The following SLIT2 variants were observed in gnomAD, a reference collection of about 807,000 sequenced individuals.
SLIT2 encodes slit homolog 2 protein.
In SLIT2, 41 loss-of-function variants were observed where a neutral mutation model predicts 185.7. That is an observed-to-expected ratio of 0.22 (90% CI 0.17 to 0.29). The LOEUF is 0.29. SLIT2 is among the 10% of genes least tolerant of loss of function. The pLI is 1.00. For synonymous variants in SLIT2, 693 were observed against 680.2 expected, an observed-to-expected ratio of 1.02 and a Z score of -0.29; for missense variants, 1,571 against 1,909.0, an observed-to-expected ratio of 0.82 and a Z score of 3.30.
chr4:20,345,962 A>G (rs1332290541), intron 4 of SLIT2, among the ~76,000 whole-genome samples: 1 of 151,814 alleles, frequency 6.6e-6, no homozygotes, highest in East Asian at 2.0e-4. Flanking sequence ...CTTGTAATCC[A>G]AAGTTTCTCA....
At chr4:20,390,329 T>C (rs1452075414) in intron 4 of SLIT2, among the ~76,000 whole-genome samples, 1 of 152,156 alleles carries the variant, frequency 6.6e-6, no homozygotes, top group Non-Finnish European at 1.5e-5. Flanking sequence ...GCTTCACCAA[T>C]AAGCATCTTA....
chr4:20,531,933 C>A, intron 16 of SLIT2, 51 bp from the exon 17 acceptor site: 2 of 969,448 alleles, frequency 2.1e-6, no homozygotes, highest in Non-Finnish European at 3.1e-6. Context: ...AAATTTAATC[C>A]TTTCCTAACT....
chr4:20,529,176 C>A (rs1721565753), intron 16 of SLIT2, 77 bp downstream of exon 16: 10 of 1,112,274 alleles, frequency 9.0e-6, no homozygotes, highest in Non-Finnish European at 1.3e-5. Flanking sequence ...GTTTGTCTTG[C>A]CATTTTTATT....
Position 20,598,379 on chromosome 4 carries a change from G to A in SLIT2, c.3676G>A (p.Ala1226Thr). Residue 1226 changes from alanine (A) to threonine (T), a missense_variant, in exon 33 of 37, where the codon GCT (alanine) becomes ACT (threonine). Ala to Thr is a moderately conservative substitution (Grantham distance 58, BLOSUM62 0). Coordinates refer to ENST00000504154, the MANE Select transcript of SLIT2 (RefSeq NM_004787.4). ...RASYDTGSHP[A>T]SAIYSVETIN... is the part of the protein sequence containing the mutation. ...CAGCTATGACACCGGCTCTCATCCA[G>A]CTTCTGCCATTTACAGGTGAAGATC... is the stretch of plus-strand genomic sequence containing the variant. 1 of 1,614,052 alleles carries A rather than the reference G, an allele frequency of 6.2e-7. No homozygotes were observed. Among genetic ancestry groups the A allele is most frequent in the Non-Finnish European group, 8.5e-7 (1 of 1,179,948 alleles).
intron 6 of SLIT2, among the ~76,000 whole-genome samples, chr4:20,485,381 A>C (rs982957567): frequency 2.0e-5 from 3 of 152,168 alleles, no homozygotes; most frequent in Admixed American, 6.6e-5. Context: ...TTGATGAATG[A>C]ATGAGTAGTA....
chr4:20,385,122 C>A (rs2109351420), intron 4 of SLIT2, among the ~76,000 whole-genome samples: 1 of 152,214 alleles, frequency 6.6e-6, no homozygotes, highest in African/African-American at 2.4e-5. Context: ...TAGAGGACCT[C>A]ATTGGGAAGA....
chr4:20,439,232 G>T (rs149283208), intron 4 of SLIT2, among the ~76,000 whole-genome samples: 1,980 of 152,262 alleles, frequency 0.013, 45 homozygotes, highest in African/African-American at 0.046. Flanking sequence ...AAATGCCTTG[G>T]TCTAGGCCAT....
intron 4 of SLIT2, among the ~76,000 whole-genome samples, chr4:20,387,276 T>C (rs1725009273): frequency 6.6e-6 from 1 of 152,188 alleles, no homozygotes; most frequent in South Asian, 2.1e-4. Context: ...TTATATCTAT[T>C]GATATTTATT....
intron 33 of SLIT2, among the ~76,000 whole-genome samples, chr4:20,607,272 C>T (rs563123044): frequency 1.2e-4 from 18 of 152,248 alleles, no homozygotes; most frequent in Admixed American, 7.8e-4. Flanking sequence ...TTATCCTTGA[C>T]GATACTGCCA....
rs143018443 is a variant in SLIT2, at chr4:20,369,456, G to A, written c.396-98296G>A. Among the ~76,000 whole-genome samples the A allele has an allele frequency of 2.2e-3, 336 of 152,188 alleles. 1 individual carries two copies. Among genetic ancestry groups the A allele is most frequent in the Middle Eastern group, 3.4e-3 (1 of 294 alleles). ...TTGTTGGCTAAGGCTGTCAGTTTTC[G>A]TTCTACAACAGCAGTTGTGAGTACT... On this transcript the variant is annotated intron_variant, in intron 4 of 36. Coordinates refer to ENST00000504154, the MANE Select transcript of SLIT2 (RefSeq NM_004787.4).
intron 4 of SLIT2, among the ~76,000 whole-genome samples, chr4:20,347,558 T>C (rs1160521282): frequency 6.6e-6 from 1 of 152,188 alleles, no homozygotes; most frequent in Non-Finnish European, 1.5e-5. Flanking sequence ...TAAAACACCA[T>C]CAGTTCATTC....
At chr4:20,414,440 G>C (rs2109439050) in intron 4 of SLIT2, among the ~76,000 whole-genome samples, 1 of 152,162 alleles carries the variant, frequency 6.6e-6, no homozygotes, top group South Asian at 2.1e-4. Context: ...TACCTATACA[G>C]TTACCTCTCT....
chr4:20,527,328 C>T lies in SLIT2; in HGVS notation c.1463-1621C>T, dbSNP rs572741136. On this transcript the variant is annotated intron_variant, in intron 15 of 36. Coordinates refer to ENST00000504154, the MANE Select transcript of SLIT2 (RefSeq NM_004787.4). ...TTGGAGATGGAGTCTCGCTGTCTCC[C>T]AGGCTGGAGTGCAGTGGCATGATCT... Among the ~76,000 whole-genome samples, 3 of 152,144 alleles carry T rather than the reference C, an allele frequency of 2.0e-5. No individual in the cohort carries two copies. The East Asian group carries it at 5.8e-4, about 29-fold the overall frequency.
intron 2 of SLIT2, 44 bp downstream of exon 2, chr4:20,256,787 A>G (rs754600984): frequency 8.3e-6 from 8 of 963,380 alleles, no homozygotes; most frequent in Non-Finnish European, 1.1e-5. Flanking sequence ...TTAAGGTTGC[A>G]TATTTTGAAT....
intron 4 of SLIT2, among the ~76,000 whole-genome samples, chr4:20,325,849 T>C (rs1719536451): frequency 2.0e-5 from 3 of 152,174 alleles, no homozygotes; most frequent in African/African-American, 7.2e-5. Flanking sequence ...TCTTTTTTTA[T>C]AGTTGACCAT....
intron 4 of SLIT2, among the ~76,000 whole-genome samples, chr4:20,459,372 T>C (rs1713445183): frequency 1.3e-5 from 2 of 152,190 alleles, no homozygotes; most frequent in Admixed American, 1.3e-4. Context: ...ACATCAGATA[T>C]TATGCTATCA....
At position 20,497,819 on chromosome 4, in the gene SLIT2, G is replaced by T. The variant is rs77581957; in HGVS notation, c.914+5920G>T. Among the ~76,000 whole-genome samples, 14 of 152,224 alleles carry T rather than the reference G, an allele frequency of 9.2e-5. No homozygotes were observed. The East Asian group carries it at 2.7e-3, about 29-fold the overall frequency. ...GACAGTGTTGGGAGCAGGGGAAGGA[G>T]ATCTTGGACACACAATCTAGAGAGC... On this transcript the variant is annotated intron_variant, in intron 9 of 36. Coordinates refer to ENST00000504154, the MANE Select transcript of SLIT2 (RefSeq NM_004787.4).
chr4:20,551,457 C>G (rs767410540), intron 25 of SLIT2, among the ~76,000 whole-genome samples: 1 of 152,130 alleles, frequency 6.6e-6, no homozygotes, highest in East Asian at 1.9e-4. Context: ...GTTTGTACCT[C>G]CATAGTTTTT....
intron 4 of SLIT2, among the ~76,000 whole-genome samples, chr4:20,301,950 G>A (rs754764886): frequency 2.6e-5 from 4 of 152,014 alleles, no homozygotes; most frequent in Non-Finnish European, 5.9e-5. Context: ...TAATAATCAA[G>A]CCTTGCCTTG....
Sources: gnomAD v4.1 joint callset for allele counts (sites outside exome capture counted in the v4.1 genomes callset) on GRCh38, gnomAD v4.1.1 for gene constraint, MANE v1.5 for transcripts, NCBI Gene and HGNC (gene_info 2026-07-23, HGNC 2026-07-21) for gene names.